The following AMZ2 variants were observed in gnomAD, a reference collection of about 807,000 sequenced individuals.
AMZ2 encodes the protein archaemetzincin-2.
AMZ2 carries 26 observed loss-of-function variants against 36.7 expected under a neutral mutation model. That is an observed-to-expected ratio of 0.71 (90% CI 0.52 to 0.98). The LOEUF (loss-of-function observed/expected upper bound fraction) is 0.98. AMZ2 is among the 50% of genes least tolerant of loss of function. The pLI is 0.00. For synonymous variants in AMZ2, 144 were observed against 149.1 expected, an observed-to-expected ratio of 0.97 and a Z score of 0.25; for missense variants, 394 against 430.5, an observed-to-expected ratio of 0.92 and a Z score of 0.75.
Position 68,248,384 on chromosome 17 carries a change from C to G in AMZ2, c.-322C>G, listed in dbSNP as rs2144692474. 1 of 986,006 alleles carries G rather than the reference C, an allele frequency of 1.0e-6. No homozygotes were observed. Among genetic ancestry groups the G allele is most frequent in the African/African-American group, 1.7e-5 (1 of 57,378 alleles). The allele number at this position is 986,006 out of a possible 1,614,324, so 61.1% of individuals were successfully genotyped here. A position where few individuals can be genotyped will look rare whatever the true frequency, so the allele number is the denominator to read the frequency against. On this transcript the variant is annotated 5_prime_UTR_variant, in exon 1 of 7. Coordinates refer to ENST00000359904, the MANE Select transcript of AMZ2 (RefSeq NM_016627.5). ...GAGACTGGGTTGTGTCTGCATGGAC[C>G]AGAGCCCACAGTGCGAGTTGCTATA...
chr17:68,211,502 T>TTA (rs1472846419), intron 1 of AMZ2, among the ~76,000 whole-genome samples: 116 of 132,984 alleles, frequency 8.7e-4, no homozygotes, highest in Middle Eastern at 3.8e-3. Context: ...GATTCCGTCT[T>TTA]AAAAAAAAAA....
At chr17:68,211,371 C>T (rs1311566687) in intron 1 of AMZ2, among the ~76,000 whole-genome samples, 6 of 151,714 alleles carry the variant, frequency 4.0e-5, no homozygotes, top group African/African-American at 9.7e-5. Flanking sequence ...GGCGTGGTGG[C>T]GGGCATCTGT....
intron 1 of AMZ2, among the ~76,000 whole-genome samples, chr17:68,238,586 T>TACACACACAC (rs10528850): frequency 0.017 from 2,495 of 150,980 alleles, 67 homozygotes; most frequent in African/African-American, 0.056. Flanking sequence ...CACACATATG[T>TACACACACAC]ACACACACAC....
intron 1 of AMZ2, chr17:68,249,790 A>G (rs1218913454): frequency 5.3e-6 from 1 of 189,136 alleles, no homozygotes; most frequent in East Asian, 1.6e-4. Context: ...AGGACCACAG[A>G]TGTGCACAAC....
chr17:68,209,577 T>C (rs1172995157), intron 1 of AMZ2, among the ~76,000 whole-genome samples: 2 of 116,816 alleles, frequency 1.7e-5, no homozygotes, highest in Non-Finnish European at 3.5e-5. Context: ...AGAAAATAAT[T>C]GTGGGTGTGT....
chr17:68,256,071 C>T (rs1402286018), intron 6 of AMZ2, among the ~76,000 whole-genome samples, 195 bp downstream of exon 6: 2 of 152,150 alleles, frequency 1.3e-5, no homozygotes, highest in Non-Finnish European at 2.9e-5. Flanking sequence ...GTGATTTATG[C>T]TTACAGTTCA....
intron 1 of AMZ2, 26 bp downstream of exon 1, chr17:68,248,731 C>G (rs112032376): frequency 2.0e-6 from 2 of 990,020 alleles, no homozygotes; most frequent in Admixed American, 6.1e-5. Context: ...GAAGGTACAT[C>G]TTGTTTTATA....
At chr17:68,236,979 A>T (rs1386864562) in intron 1 of AMZ2, among the ~76,000 whole-genome samples, 9 of 152,174 alleles carry the variant, frequency 5.9e-5, no homozygotes, top group African/African-American at 2.2e-4. Context: ...TTTCAGCAAG[A>T]TCTTGGGGAC....
intron 4 of AMZ2, among the ~76,000 whole-genome samples, chr17:68,251,837 C>A (rs1223563396): frequency 6.6e-6 from 1 of 152,160 alleles, no homozygotes; most frequent in Non-Finnish European, 1.5e-5. Flanking sequence ...TCATCTTGCA[C>A]AGTTAGAATA....
intron 1 of AMZ2, chr17:68,249,084 G>T (rs1290128904): frequency 1.3e-5 from 16 of 1,187,538 alleles, no homozygotes; most frequent in Non-Finnish European, 1.7e-5. Context: ...GTGAATGGAA[G>T]AAACCTGTCA....
At chr17:68,210,164 C>T (rs988533876) in intron 1 of AMZ2, among the ~76,000 whole-genome samples, 3 of 152,114 alleles carry the variant, frequency 2.0e-5, no homozygotes, top group African/African-American at 7.2e-5. Flanking sequence ...TACTATATGA[C>T]CCGGTAATTC....
intron 1 of AMZ2, among the ~76,000 whole-genome samples, chr17:68,228,807 C>G (rs1383830221): frequency 6.6e-6 from 1 of 152,260 alleles, no homozygotes; most frequent in Non-Finnish European, 1.5e-5. Context: ...TCCACCTGCT[C>G]CTCCTGCCTG....
At position 68,248,355 on chromosome 17, in the gene AMZ2, G is replaced by A; in HGVS notation, c.-351G>A. 1 of 986,094 alleles carries A rather than the reference G, an allele frequency of 1.0e-6. No homozygotes were observed. Among genetic ancestry groups the A allele is most frequent in the Non-Finnish European group, 1.2e-6 (1 of 830,118 alleles). The allele number at this position is 986,094 out of a possible 1,614,324, so 61.1% of individuals were successfully genotyped here. On this transcript the variant is annotated 5_prime_UTR_variant, in exon 1 of 7. Coordinates refer to ENST00000359904, the MANE Select transcript of AMZ2 (RefSeq NM_016627.5). ...CTGGGGAACCCCCACTCCACTCCCA[G>A]CTGGAGACTGGGTTGTGTCTGCATG...
At chr17:68,254,328 C>T in intron 4 of AMZ2, 76 bp from the exon 5 acceptor site, 1 of 1,447,948 alleles carries the variant, frequency 6.9e-7, no homozygotes, top group South Asian at 1.3e-5. Flanking sequence ...CCAGATGGGC[C>T]AGCAGTCTCT....
intron 1 of AMZ2, among the ~76,000 whole-genome samples, chr17:68,231,188 C>T (rs1366144898): frequency 1.3e-5 from 2 of 152,004 alleles, no homozygotes; most frequent in Non-Finnish European, 2.9e-5. Context: ...CTCAGCCTCC[C>T]GAGTAGCTGG....
At chr17:68,220,925 G>C (rs2073336267) in intron 1 of AMZ2, among the ~76,000 whole-genome samples, 1 of 151,738 alleles carries the variant, frequency 6.6e-6, no homozygotes, top group Admixed American at 6.6e-5. Flanking sequence ...TGGGATTACA[G>C]GTGCATGCCT....
At chr17:68,227,144 G>A (rs782627064) in intron 1 of AMZ2, among the ~76,000 whole-genome samples, 1 of 152,112 alleles carries the variant, frequency 6.6e-6, no homozygotes, top group Non-Finnish European at 1.5e-5. Context: ...GTGGCAGAAT[G>A]GTGAAATGTT....
Position 68,248,209 on chromosome 17 carries a change from G to A in AMZ2, c.-497G>A, listed in dbSNP as rs1463369990. The A allele has an allele frequency of 2.0e-5, 20 of 986,324 alleles. No homozygotes were observed. The highest frequency in any genetic ancestry group is 2.4e-5 in the Non-Finnish European group (20 of 830,698). The allele number at this position is 986,324 out of a possible 1,614,324, so 61.1% of individuals were successfully genotyped here. ...GGGCCGGTCGCGGTCGGTGGAGCGG[G>A]ATGAGGATGTAGGAGGGGCGGACGT... is the stretch of plus-strand genomic sequence containing the variant. On this transcript the variant is annotated 5_prime_UTR_variant, in exon 1 of 7. Transcript: ENST00000359904.
upstream of AMZ2, chr17:68,246,580 G>A (rs1477193642): frequency 2.4e-4 from 36 of 152,304 alleles, no homozygotes; most frequent in African/African-American, 8.7e-4. Context: ...CATTGAAGCA[G>A]GAGTGGCGCA....
Sources: gnomAD v4.1 joint callset for allele counts (sites outside exome capture counted in the v4.1 genomes callset) on GRCh38, gnomAD v4.1.1 for gene constraint, MANE v1.5 for transcripts, NCBI Gene and HGNC (gene_info 2026-07-23, HGNC 2026-07-21) for gene names.